The following STYXL1 variants were observed in gnomAD, a reference collection of about 807,000 sequenced individuals.
STYXL1 encodes the protein serine/threonine/tyrosine-interacting-like protein 1.
STYXL1 carries 32 observed loss-of-function variants against 36.4 expected under a neutral mutation model. The observed-to-expected ratio is 0.88, with a 90% CI of 0.66 to 1.18. The LOEUF is 1.18. Ranked by LOEUF, STYXL1 falls within the 50% of genes most tolerant of loss-of-function variation. STYXL1 has a pLI of 0.00. For synonymous variants in STYXL1, 133 were observed against 144.1 expected (o/e 0.92, Z 0.55); for missense variants, 354 against 394.1 (o/e 0.90, Z 0.86).
chr7:76,022,118 C>G, intron 3 of STYXL1, 126 bp from the exon 4 acceptor site: 2 of 1,483,050 alleles, frequency 1.3e-6, no homozygotes, highest in Middle Eastern at 2.4e-4. Context: ...ACTATACACA[C>G]AGGCCCAGAA....
intron 4 of STYXL1, among the ~76,000 whole-genome samples, chr7:76,019,872 T>C (rs1249988185): frequency 2.7e-5 from 4 of 149,212 alleles, no homozygotes; most frequent in African/African-American, 7.5e-5. Context: ...TGCAAGAGAA[T>C]TGCTTGAAGC....
intron 1 of STYXL1, among the ~76,000 whole-genome samples, chr7:76,047,105 A>T (rs1797225581): frequency 6.6e-6 from 1 of 151,856 alleles, no homozygotes; most frequent in African/African-American, 2.4e-5. Flanking sequence ...ACTAAAAAAA[A>T]AATACAAAAA....
chr7:76,017,925 G>A (rs1405273839), intron 4 of STYXL1, among the ~76,000 whole-genome samples: 1 of 138,830 alleles, frequency 7.2e-6, no homozygotes, highest in Admixed American at 7.5e-5. Flanking sequence ...TACCTATTGG[G>A]TTCTATGCTC....
chr7:76,007,252 C>T (rs782713243), intron 5 of STYXL1, among the ~76,000 whole-genome samples: 1 of 152,014 alleles, frequency 6.6e-6, no homozygotes, highest in Non-Finnish European at 1.5e-5. Context: ...CGAGTGAAAC[C>T]CCATCTCCAC....
chr7:76,032,059 A>T (rs1554579516), intron 1 of STYXL1, among the ~76,000 whole-genome samples: 1 of 152,126 alleles, frequency 6.6e-6, no homozygotes, highest in African/African-American at 2.4e-5. Context: ...ACTTGATCCC[A>T]GGAATTCAAG....
intron 5 of STYXL1, among the ~76,000 whole-genome samples, chr7:76,009,493 C>T (rs1792279661): frequency 6.6e-6 from 1 of 152,136 alleles, no homozygotes. Flanking sequence ...TCACTGCAAC[C>T]TCCGCCTCCC....
intron 2 of STYXL1, among the ~76,000 whole-genome samples, chr7:76,029,960 G>C (rs1311528350): frequency 6.6e-6 from 1 of 152,140 alleles, no homozygotes; most frequent in Admixed American, 6.6e-5. Context: ...ACAGACCACA[G>C]ACTGGTACTG....
intron 1 of STYXL1, among the ~76,000 whole-genome samples, chr7:76,032,537 A>G (rs1795486758): frequency 6.6e-6 from 1 of 151,990 alleles, no homozygotes; most frequent in Admixed American, 6.6e-5. Context: ...CTCCGTCTCT[A>G]CTAAAAATAC....
At chr7:76,021,761 G>A (rs970295702) in intron 4 of STYXL1, 90 bp downstream of exon 4, 24 of 939,040 alleles carry the variant, frequency 2.6e-5, no homozygotes, top group Non-Finnish European at 3.4e-5. Flanking sequence ...GCCTGTTCCC[G>A]TGCCATGGGC....
intron 1 of STYXL1, among the ~76,000 whole-genome samples, chr7:76,032,898 A>T (rs2116355668): frequency 6.6e-6 from 1 of 152,218 alleles, no homozygotes; most frequent in African/African-American, 2.4e-5. Flanking sequence ...TGCTTGGAGC[A>T]GGGGCAAGTG....
chr7:76,005,868 AGAGAGAGGAG>A (rs1412149632), intron 5 of STYXL1, among the ~76,000 whole-genome samples: 12 of 23,324 alleles, frequency 5.1e-4, no homozygotes, highest in Admixed American at 1.8e-3. Context: ...GAGAGGAGGA[AGAGAGAGGAG>A]GAGAGAGGAG....
chr7:76,041,056 G>A (rs1796432361), intron 1 of STYXL1, among the ~76,000 whole-genome samples: 1 of 151,586 alleles, frequency 6.6e-6, no homozygotes, highest in Admixed American at 6.6e-5. Context: ...ACTTCACTTG[G>A]CTAGGCGTGG....
intron 3 of STYXL1, among the ~76,000 whole-genome samples, chr7:76,023,969 C>T (rs763852461): frequency 2.0e-5 from 3 of 152,140 alleles, no homozygotes; most frequent in Middle Eastern, 3.4e-3. Context: ...GCCGAGATCG[C>T]GTCACTGCAC....
At chr7:75,996,723 G>GA in intron 8 of STYXL1, 124 bp from the exon 9 acceptor site, 1 of 912,316 alleles carries the variant, frequency 1.1e-6, no homozygotes, top group East Asian at 2.6e-5. Context: ...TTAAGGGCTG[G>GA]ATGCAGAAAC....
At chr7:76,042,629 A>G (rs1215591162) in intron 1 of STYXL1, among the ~76,000 whole-genome samples, 3 of 149,316 alleles carry the variant, frequency 2.0e-5, no homozygotes, top group Admixed American at 2.0e-4. Context: ...CTGGTCTCAA[A>G]CTCCTGACCT....
chr7:76,009,857 T>G (rs781818546), intron 5 of STYXL1, among the ~76,000 whole-genome samples: 1 of 152,194 alleles, frequency 6.6e-6, no homozygotes, highest in African/African-American at 2.4e-5. Flanking sequence ...GCCAGTCACC[T>G]ACATTCTAAA....
At chr7:76,003,478 A>C (rs1791241440) in intron 7 of STYXL1, among the ~76,000 whole-genome samples, 1 of 152,168 alleles carries the variant, frequency 6.6e-6, no homozygotes, top group African/African-American at 2.4e-5. Context: ...CTCATTTTAC[A>C]ACAAGCCCAG....
intron 3 of STYXL1, among the ~76,000 whole-genome samples, chr7:76,026,192 C>A (rs868978134): frequency 0.012 from 231 of 18,612 alleles, 2 homozygotes; most frequent in Middle Eastern, 0.062. Flanking sequence ...ACTCTGTCTC[C>A]AAAAAAAAAA....
At chr7:76,008,773 A>T (rs1792156832) in intron 5 of STYXL1, among the ~76,000 whole-genome samples, 1 of 152,174 alleles carries the variant, frequency 6.6e-6, no homozygotes, top group African/African-American at 2.4e-5. Context: ...TGGGAAGCTG[A>T]GGCAGGTGGA....
Sources: allele counts gnomAD v4.1 joint callset (sites outside exome capture counted in the v4.1 genomes callset), GRCh38; gene constraint gnomAD v4.1.1; transcripts MANE v1.5; gene names NCBI Gene and HGNC (gene_info 2026-07-23, HGNC 2026-07-21).